Variants in PCDH11X observed in about 807,000 individuals in gnomAD.
PCDH11X encodes the protein protocadherin 11 X-linked.
A neutral mutation model predicts 53.3 loss-of-function variants in PCDH11X; 18 were observed. The ratio of observed to expected loss-of-function variants is 0.34; its 90% CI spans 0.23 to 0.50. The LOEUF (loss-of-function observed/expected upper bound fraction) is 0.50, where lower values mean the gene tolerates loss of function less well. Ranked by LOEUF, PCDH11X falls within the 20% of genes least tolerant of loss-of-function variation. The pLI is 0.98. For missense variants in PCDH11X, 570 were observed against 1,032.4 expected (o/e 0.55, Z 6.14); for synonymous variants, 279 against 393.3 (o/e 0.71, Z 3.44).
At chrX:92,598,570 G>C (rs1925884223) in intron 10 of PCDH11X, among the ~76,000 whole-genome samples, 1 of 95,984 alleles carries the variant, frequency 1.0e-5, no homozygotes, top group Admixed American at 1.1e-4. Context: ...GAGAGGGTGT[G>C]GAGAAAAGGG....
In PCDH11X at chrX:92,313,030, GATT is replaced by G. The variant is rs1404071824; in HGVS notation, c.3144+49893_3144+49895del. Among the ~76,000 whole-genome samples the G allele has an allele frequency of 9.9e-5, 11 of 111,444 alleles. 1 individual carries two copies. The stretch of plus-strand genomic sequence containing the variant: ...AAAATAGTCTCTTCATTAATGGCTA[GATT>G]ATTATGTATTAACAATTGCCCATGT... On this transcript the variant is annotated intron_variant, in intron 8 of 10. Transcript: ENST00000682573.
rs1162807308 is a variant in PCDH11X, at chrX:91,860,596, G to A, written c.541-16185G>A. Among the ~76,000 whole-genome samples, 3 of 111,592 alleles carry A rather than the reference G, an allele frequency of 2.7e-5. No homozygotes were observed. In the Admixed American group the frequency reaches 2.8e-4, roughly 11 times the overall value. On this transcript the variant is annotated intron_variant, in intron 5 of 10. Transcript: ENST00000682573. ...CCCATTCAATATGATATTGGCTATG[G>A]GTTTGTCATAAATGGCTCTTATTAT...
At chrX:91,847,067 C>T (rs896814467) in intron 5 of PCDH11X, among the ~76,000 whole-genome samples, 2 of 110,700 alleles carry the variant, frequency 1.8e-5, no homozygotes, top group African/African-American at 6.6e-5. Context: ...AGGCAGTGGA[C>T]AAATGGTTTG....
intron 9 of PCDH11X, chrX:92,420,578 A>G: frequency 9.4e-6 from 3 of 320,479 alleles, no homozygotes; most frequent in South Asian, 3.3e-5. Context: ...ATAAAGTTTT[A>G]CATTAGCAGT....
At chrX:91,925,272 A>T (rs1438619970) in intron 6 of PCDH11X, among the ~76,000 whole-genome samples, 2 of 110,790 alleles carry the variant, frequency 1.8e-5, no homozygotes, top group Admixed American at 9.7e-5. Flanking sequence ...CTATTTTATT[A>T]AAAAAGTTTA....
chrX:91,926,076 G>GCACACACACA (rs4022270), intron 6 of PCDH11X, among the ~76,000 whole-genome samples: 9 of 83,132 alleles, frequency 1.1e-4, no homozygotes, highest in African/African-American at 3.8e-4. Context: ...ACACAAACAC[G>GCACACACACA]CACACACACA....
intron 6 of PCDH11X, among the ~76,000 whole-genome samples, chrX:91,980,903 C>A (rs1483405095): frequency 9.7e-6 from 1 of 103,048 alleles, no homozygotes; most frequent in Non-Finnish European, 2.0e-5. Context: ...TGAGTGTCTA[C>A]TAGTTTTGAA....
intron 10 of PCDH11X, among the ~76,000 whole-genome samples, chrX:92,534,533 C>G: frequency 9.0e-6 from 1 of 111,406 alleles, no homozygotes; most frequent in East Asian, 2.8e-4. Flanking sequence ...GGCCAACATT[C>G]AAATTCAGGA....
chrX:92,541,591 G>A (rs2074758815), intron 10 of PCDH11X, among the ~76,000 whole-genome samples: 1 of 110,192 alleles, frequency 9.1e-6, no homozygotes, highest in Non-Finnish European at 1.9e-5. Flanking sequence ...TCCAGCGCAG[G>A]GGACAAATAG....
At chrX:91,963,606 C>A (rs1175705399) in intron 6 of PCDH11X, among the ~76,000 whole-genome samples, 1 of 111,483 alleles carries the variant, frequency 9.0e-6, no homozygotes, top group Non-Finnish European at 1.9e-5. Context: ...GCTTTTCCAG[C>A]CTCTGCCTGT....
intron 10 of PCDH11X, among the ~76,000 whole-genome samples, chrX:92,588,304 C>T (rs918480118): frequency 2.0e-5 from 2 of 97,712 alleles, no homozygotes; most frequent in African/African-American, 7.6e-5. Context: ...ACACTTCTGT[C>T]CTTTGTGCAT....
intron 7 of PCDH11X, among the ~76,000 whole-genome samples, chrX:92,244,057 TG>T (rs2067306372): frequency 9.1e-6 from 1 of 110,424 alleles, no homozygotes; most frequent in African/African-American, 3.3e-5. Context: ...CATTTCAAGA[TG>T]AGCCACAATT....
At chrX:92,521,366 A>T (rs1411894894) in intron 10 of PCDH11X, among the ~76,000 whole-genome samples, 1 of 111,768 alleles carries the variant, frequency 8.9e-6, no homozygotes, top group Admixed American at 9.5e-5. Context: ...CTGACCAGGT[A>T]CATTGGCAAT....
At chrX:92,036,957 T>C (rs34968361) in intron 6 of PCDH11X, among the ~76,000 whole-genome samples, 40,010 of 110,866 alleles carry the variant, frequency 0.36, 7,242 homozygotes, top group African/African-American at 0.67. Context: ...GGACTGGCGG[T>C]ATTTTGCCCA....
chrX:92,253,809 A>G (rs958716424), intron 7 of PCDH11X, among the ~76,000 whole-genome samples: 2 of 112,023 alleles, frequency 1.8e-5, no homozygotes, highest in Non-Finnish European at 3.8e-5. Context: ...AACTTTACTG[A>G]ATTTATTTAT....
At chrX:92,554,770 T>G in intron 10 of PCDH11X, among the ~76,000 whole-genome samples, 1 of 110,625 alleles carries the variant, frequency 9.0e-6, no homozygotes, top group Non-Finnish European at 1.9e-5. Flanking sequence ...TGTCATTTTC[T>G]ATATGGCATA....
intron 6 of PCDH11X, among the ~76,000 whole-genome samples, chrX:91,961,376 C>T (rs990887054): frequency 6.4e-5 from 7 of 109,013 alleles, no homozygotes; most frequent in Admixed American, 2.0e-4. Flanking sequence ...AAGCTGAAAT[C>T]TTTTCTGTTA....
intron 6 of PCDH11X, among the ~76,000 whole-genome samples, chrX:92,190,257 G>C (rs187343576): frequency 2.1e-3 from 238 of 110,816 alleles, no homozygotes; most frequent in Non-Finnish European, 3.9e-3. Context: ...TAAGGAAGAG[G>C]GATCTAGTTC....
intron 8 of PCDH11X, among the ~76,000 whole-genome samples, chrX:92,269,365 T>C (rs1301850953): frequency 8.9e-6 from 1 of 112,159 alleles, no homozygotes; most frequent in Non-Finnish European, 1.9e-5. Context: ...TTTAGCTCAC[T>C]ACACATTAAT....
Sources: gnomAD v4.1 joint callset for allele counts (sites outside exome capture counted in the v4.1 genomes callset) on GRCh38, gnomAD v4.1.1 for gene constraint, MANE v1.5 for transcripts, NCBI Gene and HGNC (gene_info 2026-07-23, HGNC 2026-07-21) for gene names.